The following RAI2 variants were observed in gnomAD, a reference collection of about 807,000 sequenced individuals.
The protein encoded by RAI2 is retinoic acid induced 2.
A neutral mutation model predicts 15.3 loss-of-function variants in RAI2; 5 were observed. The ratio of observed to expected loss-of-function variants is 0.33; its 90% CI spans 0.17 to 0.69. RAI2 has a LOEUF of 0.69. Ranked by LOEUF, RAI2 falls within the 30% of genes least tolerant of loss-of-function variation. RAI2 has a pLI of 0.69. For missense variants in RAI2, 424 were observed against 424.7 expected (o/e 1.00, Z 0.01); for synonymous variants, 191 against 184.0 (o/e 1.04, Z -0.31).
At chrX:17,811,635 T>C (rs771591619) in intron 1 of RAI2, among the ~76,000 whole-genome samples, 36 of 112,093 alleles carry the variant, frequency 3.2e-4, no homozygotes, top group South Asian at 1.1e-3. Context: ...GTGCCAGAAA[T>C]AGACCCTCTG....
chrX:17,823,257 C>A (rs2067187841), intron 1 of RAI2, among the ~76,000 whole-genome samples: 1 of 111,967 alleles, frequency 8.9e-6, no homozygotes, highest in Admixed American at 9.5e-5. Context: ...GTTCCTGGCA[C>A]ATGGTAAATA....
chrX:17,847,520 T>C (rs527602623), intron 1 of RAI2, among the ~76,000 whole-genome samples: 2 of 113,132 alleles, frequency 1.8e-5, no homozygotes, highest in South Asian at 3.6e-4. Flanking sequence ...TTGCTGCCTC[T>C]GTTTCTTCAT....
chrX:17,841,638 T>G (rs1235118439), intron 1 of RAI2, among the ~76,000 whole-genome samples: 3 of 112,229 alleles, frequency 2.7e-5, no homozygotes, highest in Non-Finnish European at 5.6e-5. Context: ...ATTCAATCAA[T>G]ATATATTGAG....
intron 1 of RAI2, among the ~76,000 whole-genome samples, chrX:17,820,696 C>G (rs1254396135): frequency 9.0e-6 from 1 of 111,184 alleles, no homozygotes; most frequent in African/African-American, 3.3e-5. Context: ...AGTGACTCGG[C>G]CTCTCTGAGC....
chrX:17,819,314 C>A lies in RAI2; in HGVS notation c.-24-17280G>T, dbSNP rs183213933. Among the ~76,000 whole-genome samples, 55 of 112,492 alleles carry A rather than the reference C, an allele frequency of 4.9e-4. No individual in the cohort carries two copies. In the East Asian group the frequency reaches 0.012, roughly 25 times the overall value. ...CTAAGCAACCATATCTCATCCATTACAACAGCTAAACATTTAAAAGACTAG... is the reference window on the plus strand; with the variant it reads ...CTAAGCAACCATATCTCATCCATTAAAACAGCTAAACATTTAAAAGACTAG... On this transcript the variant is annotated intron_variant, in intron 1 of 1. Transcript: ENST00000451717.
At chrX:17,848,704 G>A (rs1314177603) in intron 1 of RAI2, among the ~76,000 whole-genome samples, 1 of 111,573 alleles carries the variant, frequency 9.0e-6, no homozygotes, top group African/African-American at 3.3e-5. Flanking sequence ...AGAAATAAGT[G>A]TAGGGGCATG....
intron 1 of RAI2, among the ~76,000 whole-genome samples, chrX:17,813,907 C>T (rs1364439222): frequency 2.7e-5 from 3 of 111,718 alleles, no homozygotes; most frequent in Non-Finnish European, 5.6e-5. Flanking sequence ...TCATGACCAT[C>T]ACCTATTATG....
chrX:17,835,298 G>A (rs73447839), intron 1 of RAI2, among the ~76,000 whole-genome samples: 1 of 112,170 alleles, frequency 8.9e-6, no homozygotes, highest in Non-Finnish European at 1.9e-5. Flanking sequence ...GGGATCAGAC[G>A]AGGCAAATAC....
intron 1 of RAI2, among the ~76,000 whole-genome samples, chrX:17,845,445 G>A (rs2067445404): frequency 1.8e-5 from 2 of 112,281 alleles, no homozygotes. Flanking sequence ...CCTAAGATGA[G>A]TGTGTCACCT....
intron 1 of RAI2, among the ~76,000 whole-genome samples, chrX:17,812,206 C>A (rs949758237): frequency 9.0e-6 from 1 of 111,083 alleles, no homozygotes; most frequent in Admixed American, 9.5e-5. Flanking sequence ...GGCCATATTT[C>A]TTGTGAGCAT....
At chrX:17,848,553 G>A (rs973637539) in intron 1 of RAI2, among the ~76,000 whole-genome samples, 1 of 110,026 alleles carries the variant, frequency 9.1e-6, no homozygotes, top group African/African-American at 3.3e-5. Flanking sequence ...GTGTTAAGGT[G>A]GCTGACATCA....
intron 1 of RAI2, among the ~76,000 whole-genome samples, chrX:17,848,106 C>T (rs2067485097): frequency 9.0e-6 from 1 of 111,445 alleles, no homozygotes; most frequent in Non-Finnish European, 1.9e-5. Context: ...TGTGTGTTAG[C>T]ACTTTTTTGT....
chrX:17,843,929 T>C (rs73447858), intron 1 of RAI2, among the ~76,000 whole-genome samples: 2,009 of 112,628 alleles, frequency 0.018, 41 homozygotes, highest in African/African-American at 0.06. Context: ...TCTTAGATTT[T>C]TGCAATGAGT....
rs746088981 is a variant in RAI2, at chrX:17,818,667, C to T, written c.-24-16633G>A. On this transcript the variant is annotated intron_variant, in intron 1 of 1. Transcript: ENST00000451717. ...CTTGTGAGGACATGGTTGGAGAATC[C>T]AGGAAAGCCCATAGCTGGCACTTCC... Among the ~76,000 whole-genome samples, 7 of 112,720 alleles carry T rather than the reference C, an allele frequency of 6.2e-5. No homozygotes were observed. In the East Asian group the frequency reaches 2.0e-3, roughly 32 times the overall value.
At chrX:17,849,356 T>C (rs905010919) in intron 1 of RAI2, among the ~76,000 whole-genome samples, 3 of 112,596 alleles carry the variant, frequency 2.7e-5, no homozygotes, top group Non-Finnish European at 5.6e-5. Context: ...ATTTCCATCA[T>C]TGCAGAAAGT....
At position 17,802,038 on chromosome X, in the gene RAI2, C is replaced by T. The variant is rs1488344184; in HGVS notation, c.-24-4G>A. On this transcript the variant is annotated splice_region_variant and splice_polypyrimidine_tract_variant and intron_variant, in intron 1 of 1. Coordinates refer to ENST00000451717, the MANE Select transcript of RAI2 (RefSeq NM_021785.6). ...CTCAGCTCTGATGCCACTTGGCCTG[C>T]AACACAGAACATACAATATGAATCT... 8.6e-7 allele frequency: 1 copy of T among 1,164,588 alleles called. No homozygotes were observed. Among genetic ancestry groups the T allele is most frequent in the Non-Finnish European group, 1.2e-6 (1 of 869,200 alleles).
intron 1 of RAI2, among the ~76,000 whole-genome samples, chrX:17,831,417 CAT>C (rs1277014186): frequency 1.8e-5 from 2 of 111,664 alleles, no homozygotes; most frequent in Non-Finnish European, 3.8e-5. Flanking sequence ...GGCAAGAGTA[CAT>C]GTCCATTAGT....
chrX:17,842,655 GAAAAAAAAA>G (rs780365815), intron 1 of RAI2, among the ~76,000 whole-genome samples: 1 of 66,397 alleles, frequency 1.5e-5, no homozygotes, highest in Non-Finnish European at 3.0e-5. Context: ...ATATGTATAG[GAAAAAAAAA>G]AAAAAAAAAG....
In RAI2 at chrX:17,801,528, G is replaced by T. The variant is rs1182508348; in HGVS notation, c.483C>A (p.Asp161Glu). 34 of 1,199,454 alleles carry T rather than the reference G, an allele frequency of 2.8e-5. No homozygotes were observed. Among genetic ancestry groups the T allele is most frequent in the Non-Finnish European group, 3.7e-5 (33 of 889,624 alleles). The change falls in exon 2 of 2, where the codon GAC becomes GAA. Residue 161 changes from aspartate (D) to glutamate (E), a missense_variant. Coordinates refer to ENST00000451717, the MANE Select transcript of RAI2 (RefSeq NM_021785.6). Reference sequence around the variant, plus strand: ...CCAGGAGCTGGGGCTGGGCCTCGGGGTCCTCCGCTCCCTGGAAGAGGTTGT... The same window carrying T: ...CCAGGAGCTGGGGCTGGGCCTCGGGTTCCTCCGCTCCCTGGAAGAGGTTGT... ...IHNNLFQGAE[D>E]PEAQPQLLDL...
Sources: gnomAD v4.1 joint callset for allele counts (sites outside exome capture counted in the v4.1 genomes callset) on GRCh38, gnomAD v4.1.1 for gene constraint, MANE v1.5 for transcripts, NCBI Gene and HGNC (gene_info 2026-07-23, HGNC 2026-07-21) for gene names.